Variants in FBXL7 observed in about 807,000 individuals in gnomAD.
FBXL7 encodes F-box/LRR-repeat protein 7.
A neutral mutation model predicts 38.3 loss-of-function variants in FBXL7; 12 were observed. The observed-to-expected ratio is 0.31, with a 90% CI of 0.20 to 0.51. The LOEUF is 0.51. FBXL7 is among the 20% of genes least tolerant of loss of function. FBXL7 has a pLI of 0.98. For missense variants in FBXL7, 567 were observed against 676.4 expected (o/e 0.84, Z 1.79); for synonymous variants, 297 against 300.9 (o/e 0.99, Z 0.13).
rs779184907 is a variant in FBXL7 at position 15,615,995 on chromosome 5, C to G, written c.50C>G (p.Ser17Trp). The change falls in exon 2 of 4, where the codon TCG (serine) becomes TGG (tryptophan). Residue 17 changes from serine (S) to tryptophan (W), a missense_variant. By Grantham distance (177) the Ser-to-Trp change is radical. Transcript: ENST00000504595. ...KQYGSEGKGSSSISSDVSSST... is the reference protein window; with the variant it reads ...KQYGSEGKGSWSISSDVSSST... ...CTGTTTCTTCCAGGCAAAGGCAGCT[C>G]GAGCATCTCATCTGACGTGAGTTCA... The G allele has an allele frequency of 1.4e-5, 22 of 1,612,152 alleles. No homozygotes were observed. Among genetic ancestry groups the G allele is most frequent in the Non-Finnish European group, 1.8e-5 (21 of 1,178,900 alleles).
At chr5:15,709,515 CAG>C (rs1053209061) in intron 2 of FBXL7, among the ~76,000 whole-genome samples, 2 of 145,366 alleles carry the variant, frequency 1.4e-5, no homozygotes, top group Non-Finnish European at 3.0e-5. Flanking sequence ...CCCTGGGTGA[CAG>C]AGCAAGACTC....
intron 2 of FBXL7, among the ~76,000 whole-genome samples, chr5:15,824,310 A>AG (rs1234119856): frequency 4.6e-5 from 7 of 151,552 alleles, no homozygotes; most frequent in East Asian, 1.9e-4. Flanking sequence ...AAAAAAAAAA[A>AG]AGAGAAAAAC....
intron 1 of FBXL7, among the ~76,000 whole-genome samples, chr5:15,510,661 A>G (rs1429907549): frequency 6.6e-6 from 1 of 152,206 alleles, no homozygotes; most frequent in African/African-American, 2.4e-5. Context: ...AACAAAATCA[A>G]TGTTCTACTT....
At position 15,622,584 on chromosome 5, in the gene FBXL7, C is replaced by G. The variant is rs188749204; in HGVS notation, c.127+6512C>G. On this transcript the variant is annotated intron_variant, in intron 2 of 3. Transcript: ENST00000504595. ...GTTTGCTGATAATGATGGTTTCCAG[C>G]TTCATCCATGTCCCTACAAAGGACA... Among the ~76,000 whole-genome samples the G allele has an allele frequency of 5.3e-5, 8 of 152,280 alleles. No homozygotes were observed. The East Asian group carries it at 1.5e-3, about 29-fold the overall frequency.
chr5:15,606,222 G>A (rs1474194052), intron 1 of FBXL7, among the ~76,000 whole-genome samples: 4 of 151,968 alleles, frequency 2.6e-5, no homozygotes, highest in Non-Finnish European at 2.9e-5. Flanking sequence ...ACTCTGACCC[G>A]TTATCCTAGA....
At chr5:15,524,303 C>A (rs947584483) in intron 1 of FBXL7, among the ~76,000 whole-genome samples, 1 of 152,070 alleles carries the variant, frequency 6.6e-6, no homozygotes, top group Non-Finnish European at 1.5e-5. Flanking sequence ...GCCAGGTATA[C>A]TTTAAAGGAA....
intron 2 of FBXL7, among the ~76,000 whole-genome samples, chr5:15,787,172 T>A (rs566927984): frequency 5.4e-4 from 82 of 152,266 alleles, no homozygotes; most frequent in Non-Finnish European, 1.0e-3. Flanking sequence ...AGAGAGTACA[T>A]TTCTGTTGTT....
intron 2 of FBXL7, among the ~76,000 whole-genome samples, chr5:15,881,360 T>A (rs1162088753): frequency 6.6e-6 from 1 of 152,224 alleles, no homozygotes; most frequent in Non-Finnish European, 1.5e-5. Context: ...CATTATTTTG[T>A]TTCTTTTATG....
chr5:15,699,339 C>T (rs948423001), intron 2 of FBXL7, among the ~76,000 whole-genome samples: 2 of 152,160 alleles, frequency 1.3e-5, no homozygotes, highest in African/African-American at 4.8e-5. Flanking sequence ...TGGGTAGCGA[C>T]CTTCCCTGCC....
chr5:15,653,450 T>TA (rs1225951396), intron 2 of FBXL7, among the ~76,000 whole-genome samples: 1 of 152,198 alleles, frequency 6.6e-6, no homozygotes, highest in Non-Finnish European at 1.5e-5. Flanking sequence ...GAATTACTGA[T>TA]AGTCTTTATT....
intron 1 of FBXL7, among the ~76,000 whole-genome samples, chr5:15,583,827 T>C (rs182265243): frequency 1.6e-3 from 251 of 152,334 alleles, no homozygotes; most frequent in African/African-American, 5.8e-3. Context: ...GTGGGGACTC[T>C]GTGTGGGGGT....
chr5:15,840,631 G>A (rs1353281921), intron 2 of FBXL7, among the ~76,000 whole-genome samples: 2 of 151,974 alleles, frequency 1.3e-5, no homozygotes, highest in African/African-American at 2.4e-5. Context: ...GGTGGATCAC[G>A]AGGTCAAGGG....
intron 2 of FBXL7, among the ~76,000 whole-genome samples, chr5:15,927,188 C>A (rs910836065): frequency 5.3e-5 from 8 of 152,030 alleles, no homozygotes; most frequent in African/African-American, 1.7e-4. Flanking sequence ...ATTAAAACAG[C>A]CACGCTCCTT....
At chr5:15,576,717 C>G (rs1738980481) in intron 1 of FBXL7, among the ~76,000 whole-genome samples, 1 of 151,452 alleles carries the variant, frequency 6.6e-6, no homozygotes, top group Non-Finnish European at 1.5e-5. Flanking sequence ...TCCTTAATAA[C>G]TTGATGAAAC....
intron 1 of FBXL7, among the ~76,000 whole-genome samples, chr5:15,510,537 G>A (rs1000240183): frequency 1.3e-5 from 2 of 152,156 alleles, no homozygotes; most frequent in African/African-American, 4.8e-5. Context: ...GAAGAAGAAG[G>A]TATGCAGCTG....
intron 2 of FBXL7, among the ~76,000 whole-genome samples, chr5:15,870,899 C>T (rs190792521): frequency 2.8e-4 from 42 of 152,334 alleles, no homozygotes; most frequent in African/African-American, 9.1e-4. Flanking sequence ...CAGACTTACA[C>T]GTTCCTTCCT....
chr5:15,517,901 G>T (rs928413414), intron 1 of FBXL7, among the ~76,000 whole-genome samples: 1 of 152,152 alleles, frequency 6.6e-6, no homozygotes, highest in African/African-American at 2.4e-5. Flanking sequence ...CCCTTATCTT[G>T]GGGGAGCTCT....
intron 2 of FBXL7, among the ~76,000 whole-genome samples, chr5:15,811,885 G>C (rs888569804): frequency 6.6e-6 from 1 of 152,128 alleles, no homozygotes; most frequent in Non-Finnish European, 1.5e-5. Flanking sequence ...TTACACTGTT[G>C]GTGGGAGTGT....
At chr5:15,533,067 G>T (rs929965576) in intron 1 of FBXL7, among the ~76,000 whole-genome samples, 5 of 152,146 alleles carry the variant, frequency 3.3e-5, no homozygotes, top group Non-Finnish European at 7.3e-5. Context: ...GACTGTGGGA[G>T]ACCCGAATGG....
Sources: allele counts gnomAD v4.1 joint callset (sites outside exome capture counted in the v4.1 genomes callset), GRCh38; gene constraint gnomAD v4.1.1; transcripts MANE v1.5; gene names NCBI Gene and HGNC (gene_info 2026-07-23, HGNC 2026-07-21).